Variants in POM121 observed in about 807,000 individuals in gnomAD.
POM121 encodes the protein POM121 transmembrane nucleoporin.
In POM121, 32 loss-of-function variants were observed where a neutral mutation model predicts 81.3. That is an observed-to-expected ratio of 0.39 (90% CI 0.30 to 0.53). The LOEUF is 0.53. POM121 is among the 20% of genes least tolerant of loss of function. The pLI, the probability that POM121 is intolerant of heterozygous loss-of-function variation, is 0.66. For missense variants in POM121, 1,138 were observed against 1,614.6 expected, an observed-to-expected ratio of 0.70 and a Z score of 5.06; for synonymous variants, 514 against 694.2, an observed-to-expected ratio of 0.74 and a Z score of 4.08.
intron 5 of POM121, among the ~76,000 whole-genome samples, chr7:72,933,178 C>G (rs1465251616): frequency 1.3e-5 from 2 of 151,956 alleles, no homozygotes; most frequent in Admixed American, 6.6e-5. Context: ...GTGGCAAAAA[C>G]CGGTTGCTAC....
chr7:72,918,086 G>A (rs1173044621), intron 4 of POM121, among the ~76,000 whole-genome samples: 4 of 152,180 alleles, frequency 2.6e-5, no homozygotes, highest in African/African-American at 9.7e-5. Flanking sequence ...GCAGAGCCAG[G>A]TGTACAAGAT....
rs781924075 is a variant in POM121 at position 72,946,224 on chromosome 7, G to A, written c.3740G>A (p.Arg1247His). The change falls in exon 13 of 13, where the codon CGC (arginine) becomes CAC (histidine). Residue 1247 changes from arginine to histidine, a missense_variant. Around this residue, in one of 7 missense-constraint regions of POM121, gnomAD observed 336 missense variants for 344.3 expected, o/e 0.98. Transcript: ENST00000434423. ...QRLQARRQHT[R>H]KK ...CTGCAGGCCCGAAGGCAGCACACCC[G>A]CAAAAAGTAGCCTTTGTCCCCTGTC... is the stretch of plus-strand genomic sequence containing the variant. The A allele has an allele frequency of 8.7e-6, 14 of 1,611,130 alleles. No individual in the cohort carries two copies. Among genetic ancestry groups the A allele is most frequent in the South Asian group, 2.2e-5 (2 of 90,916 alleles).
chr7:72,884,545 CATATAAT>C lies in POM121; in HGVS notation c.-521+4666_-521+4672del, dbSNP rs1385046766. Among the ~76,000 whole-genome samples the C allele has an allele frequency of 8.7e-3, 325 of 37,548 alleles. 3 individuals are homozygous for C. The highest frequency in any genetic ancestry group is 0.03 in the African/African-American group (271 of 8,910). 24.6% of individuals were successfully genotyped at this position (37,548 alleles called of 152,430 possible). On this transcript the variant is annotated intron_variant, in intron 1 of 15. Coordinates refer to the POM121 transcript ENST00000395270. ...ATATATATTTGATAGCAAATATATA[CATATAAT>C]ATATATTTGATAGCAAATATATACA... is the stretch of plus-strand genomic sequence containing the variant.
intron 4 of POM121, among the ~76,000 whole-genome samples, chr7:72,915,922 G>T (rs1794255148): frequency 1.3e-5 from 2 of 152,188 alleles, no homozygotes; most frequent in Non-Finnish European, 2.9e-5. Context: ...CACCCACCTT[G>T]GCCTCCCAAA....
intron 4 of POM121, chr7:72,913,954 A>G (rs1290889633): frequency 1.3e-5 from 2 of 152,158 alleles, no homozygotes; most frequent in African/African-American, 2.4e-5. Flanking sequence ...CACTTCTTCC[A>G]TCGCGTGGTC....
At position 72,931,323 on chromosome 7, in the gene POM121, A is replaced by G. The variant is rs237929; in HGVS notation, c.1275+1212A>G. On this transcript the variant is annotated intron_variant, in intron 5 of 12. Coordinates refer to ENST00000434423, the MANE Select transcript of POM121 (RefSeq NM_001387691.1). The stretch of plus-strand genomic sequence containing the variant: ...CCTTCCCAAAGTCCATTTTTAGCCT[A>G]TACCGAAGTTGGGTGTTTCTTCAGA... 3.1e-3 allele frequency among the ~76,000 whole-genome samples: 474 copies of G among 152,224 alleles called. 2 individuals are homozygous for G. Among genetic ancestry groups the G allele is most frequent in the African/African-American group, 0.011 (446 of 41,536 alleles).
chr7:72,915,959 C>T lies in POM121; in HGVS notation c.-152+2131C>T, dbSNP rs142730630. 9.2e-3 allele frequency among the ~76,000 whole-genome samples: 1,403 copies of T among 152,336 alleles called. 13 individuals are homozygous for T. The highest frequency in any genetic ancestry group is 0.017 in the Middle Eastern group (5 of 294). ...TGTTGGGATTACAGGCGTGAGCCAC[C>T]GTGCCTGGCCCTTTGCCCACTTTTT... On this transcript the variant is annotated intron_variant, in intron 4 of 15. Coordinates refer to the POM121 transcript ENST00000395270.
At chr7:72,949,963 T>C (rs576009939), downstream of POM121, 1 of 1,611,188 alleles carries the variant, frequency 6.2e-7, no homozygotes, top group African/African-American at 1.3e-5. Flanking sequence ...ACAGCTGGCC[T>C]GGCAGGCAGA....
In POM121 at chr7:72,925,269, C is replaced by T; in HGVS notation, c.148C>T (p.Pro50Ser). 1.3e-6 allele frequency: 2 copies of T among 1,534,526 alleles called. No individual in the cohort carries two copies. The highest frequency in any genetic ancestry group is 8.7e-7 in the Non-Finnish European group (1 of 1,146,374). Residue 50 changes from proline (P) to serine (S), a missense_variant, in exon 1 of 13, where the codon CCG becomes TCG. Physicochemically the swap from Pro to Ser is moderately conservative, Grantham distance 74. Around this residue, in one of 7 missense-constraint regions of POM121, gnomAD observed 646 missense variants for 633.5 expected, o/e 1.02. Coordinates refer to ENST00000434423, the MANE Select transcript of POM121 (RefSeq NM_001387691.1). ...SLVGLLLYLV[P>S]AAAALAWLTV... ...GGTTGGCCTCTTACTGTACCTCGTG[C>T]CGGCTGCGGCTGCACTGGCCTGGCT... is the stretch of plus-strand genomic sequence containing the variant.
At position 72,946,587 on chromosome 7, in the gene POM121, G is replaced by A. The variant is rs1437544639; in HGVS notation, c.*353G>A. ...CCTTCCACCTTTCCCCGAGACCGTCGTCGCTGGAGGGGGCAGGGTCCAGCC... is the reference window on the plus strand; with the variant it reads ...CCTTCCACCTTTCCCCGAGACCGTCATCGCTGGAGGGGGCAGGGTCCAGCC... On this transcript the variant is annotated 3_prime_UTR_variant, in exon 13 of 13. Transcript: ENST00000434423. 5.8e-6 allele frequency: 6 copies of A among 1,040,010 alleles called. No homozygotes were observed. In the African/African-American group the frequency reaches 6.8e-5, roughly 12 times the overall value. The allele number at this position is 1,040,010 out of a possible 1,614,324, so 64.4% of individuals were successfully genotyped here.
chr7:72,928,056 AT>A (rs545379077), intron 3 of POM121, among the ~76,000 whole-genome samples: 32 of 152,210 alleles, frequency 2.1e-4, no homozygotes, highest in African/African-American at 7.2e-4. Context: ...AAATTAAGAA[AT>A]TAGCCAGGTG....
chr7:72,930,719 C>T (rs192668361), intron 5 of POM121, among the ~76,000 whole-genome samples: 2 of 152,008 alleles, frequency 1.3e-5, no homozygotes, highest in Non-Finnish European at 2.9e-5. Flanking sequence ...TGAGGCTGGG[C>T]GGGATGGCTC....
At chr7:72,895,342 C>T (rs1462470800) in intron 3 of POM121, among the ~76,000 whole-genome samples, 2 of 152,204 alleles carry the variant, frequency 1.3e-5, no homozygotes, top group Middle Eastern at 3.2e-3. Context: ...AGCCTTTCAC[C>T]TCCTGTGCGT....
chr7:72,942,960 C>G lies in POM121; in HGVS notation c.2967C>G (p.Pro989=). The G allele has an allele frequency of 6.2e-7, 1 of 1,601,434 alleles. No homozygotes were observed. Among genetic ancestry groups the G allele is most frequent in the South Asian group, 1.1e-5 (1 of 89,570 alleles). The change falls in exon 11 of 13, where the codon CCC becomes CCG. Residue 989 remains proline, a synonymous_variant. Coordinates refer to ENST00000434423, the MANE Select transcript of POM121 (RefSeq NM_001387691.1). ...PPGAAKPALA[P]SFGSSFTFGN... is the part of the protein sequence containing the mutation. The stretch of plus-strand genomic sequence containing the variant: ...GGGCCGCCAAGCCGGCCCTTGCCCC[C>G]AGCTTTGGCAGCTCTTTCACTTTTG...
chr7:72,948,498 G>T (rs371642309), downstream of POM121: 1 of 1,613,482 alleles, frequency 6.2e-7, no homozygotes, highest in Non-Finnish European at 8.5e-7. Flanking sequence ...TGTGCAAGGC[G>T]GTGTGCAAGC....
Position 72,944,861 on chromosome 7 carries a change from G to A in POM121, c.3530-725G>A, listed in dbSNP as rs569142216. 5.3e-5 allele frequency among the ~76,000 whole-genome samples: 8 copies of A among 152,294 alleles called. No homozygotes were observed. In the East Asian group the frequency reaches 9.7e-4, roughly 18 times the overall value. ...GGACCATCAGTCAGCCTCACAGGGC[G>A]AAGTCACCGTGAGTGGTGATGGGAA... is the stretch of plus-strand genomic sequence containing the variant. On this transcript the variant is annotated intron_variant, in intron 11 of 12. Transcript: ENST00000434423.
At chr7:72,931,791 G>A (rs1194809180) in intron 5 of POM121, among the ~76,000 whole-genome samples, 1 of 152,076 alleles carries the variant, frequency 6.6e-6, no homozygotes, top group African/African-American at 2.4e-5. Context: ...GGCTGGCATC[G>A]AACTCGTGAC....
At chr7:72,902,018 A>C (rs1204929307) in intron 3 of POM121, among the ~76,000 whole-genome samples, 1 of 151,672 alleles carries the variant, frequency 6.6e-6, no homozygotes, top group East Asian at 2.0e-4. Flanking sequence ...AGTCTGAGGC[A>C]GGAGAATCAC....
chr7:72,887,352 T>C (rs1790825454), intron 1 of POM121, among the ~76,000 whole-genome samples: 1 of 152,026 alleles, frequency 6.6e-6, no homozygotes, highest in Non-Finnish European at 1.5e-5. Flanking sequence ...TTCTTCCTTA[T>C]GGGTTGTAAT....
Sources: allele counts gnomAD v4.1 joint callset (sites outside exome capture counted in the v4.1 genomes callset), GRCh38; gene constraint gnomAD v4.1.1; regional missense constraint gnomAD v4.1.1; transcripts MANE v1.5; gene names NCBI Gene and HGNC (gene_info 2026-07-23, HGNC 2026-07-21).